ASIP: variants seen among roughly 807,000 people sequenced by gnomAD.
ASIP encodes agouti signaling protein.
Under a neutral mutation model 10.3 loss-of-function variants are expected in ASIP, and 11 were observed. The observed-to-expected ratio is 1.07, with a 90% CI of 0.68 to 1.78. ASIP has a LOEUF of 1.78. Among genes scored for constraint, ASIP ranks in the 40% most tolerant of loss-of-function variants. The pLI is 0.00. For missense variants in ASIP, 180 were observed against 169.2 expected (o/e 1.06, Z -0.35); for synonymous variants, 70 against 70.8 (o/e 0.99, Z 0.06).
intron 1 of ASIP, among the ~76,000 whole-genome samples, chr20:34,212,545 A>G (rs970557991): frequency 6.6e-6 from 1 of 152,206 alleles, no homozygotes; most frequent in Admixed American, 6.5e-5. Flanking sequence ...TATTGATGCA[A>G]TACATTATCT....
intron 1 of ASIP, among the ~76,000 whole-genome samples, chr20:34,251,517 G>A (rs819165): frequency 0.12 from 18,444 of 151,924 alleles, 1,218 homozygotes; most frequent in East Asian, 0.22. Context: ...CTCGTGATCC[G>A]TCCGCCTCGG....
chr20:34,264,385 C>G (rs529643187), intron 3 of ASIP, among the ~76,000 whole-genome samples: 1 of 152,282 alleles, frequency 6.6e-6, no homozygotes, highest in South Asian at 2.1e-4. Context: ...CACAAGGAGT[C>G]TCACCAGGAA....
intron 1 of ASIP, among the ~76,000 whole-genome samples, chr20:34,200,969 T>TTCCTTCCTTCCTTCCTTCCTTCC: frequency 1.4e-5 from 1 of 72,974 alleles, no homozygotes; most frequent in East Asian, 4.1e-4. Flanking sequence ...TCTTTCTTTC[T>TTCCTTCCTTCCTTCCTTCCTTCC]TTCCTTCCTT....
intron 1 of ASIP, chr20:34,215,754 A>G: frequency 6.7e-7 from 1 of 1,496,054 alleles, no homozygotes. Context: ...TCATCACTAT[A>G]TGTCCTCTGG....
At chr20:34,261,927 A>C (rs1428335223) in intron 2 of ASIP, among the ~76,000 whole-genome samples, 1 of 152,146 alleles carries the variant, frequency 6.6e-6, no homozygotes, top group Non-Finnish European at 1.5e-5. Flanking sequence ...AGCCTGGCCA[A>C]CATGGCAAAA....
At chr20:34,209,208 G>T (rs1475927539) in intron 1 of ASIP, among the ~76,000 whole-genome samples, 1 of 152,236 alleles carries the variant, frequency 6.6e-6, no homozygotes, top group Admixed American at 6.5e-5. Context: ...GCACAGAGCT[G>T]GTGGGAGCCG....
upstream of ASIP, among the ~76,000 whole-genome samples, chr20:34,194,167 G>A (rs925672272): frequency 6.6e-5 from 10 of 152,174 alleles, no homozygotes; most frequent in South Asian, 2.1e-3. Flanking sequence ...TCCAAGCTGT[G>A]GGCACTGAAC....
At chr20:34,250,253 G>A (rs1396195202) in intron 1 of ASIP, 1 of 152,228 alleles carries the variant, frequency 6.6e-6, no homozygotes, top group African/African-American at 2.4e-5. Context: ...CAAAGCCCAG[G>A]GCAGGCTGTC....
chr20:34,221,306 A>C (rs2035045865), intron 1 of ASIP, among the ~76,000 whole-genome samples: 1 of 152,148 alleles, frequency 6.6e-6, no homozygotes, highest in Admixed American at 6.5e-5. Context: ...TGAACCTGGG[A>C]GGCGGAGCTT....
upstream of ASIP, among the ~76,000 whole-genome samples, chr20:34,191,206 C>T (rs1199698211): frequency 6.6e-6 from 1 of 152,116 alleles, no homozygotes; most frequent in Non-Finnish European, 1.5e-5. Flanking sequence ...AAATTAAATA[C>T]CCTTGGCTTC....
chr20:34,187,186 T>C, the ASIP span, among the ~76,000 whole-genome samples: 51 of 152,308 alleles, frequency 3.3e-4, 1 homozygote, highest in Middle Eastern at 6.8e-3. Context: ...ACTTAGAACT[T>C]GCCATCAGTG....
At chr20:34,258,688 T>TATATATATATATATATAC (rs1277541256) in intron 1 of ASIP, among the ~76,000 whole-genome samples, 7 of 66,564 alleles carry the variant, frequency 1.1e-4, no homozygotes, top group East Asian at 1.1e-3. Context: ...TATATATATA[T>TATATATATATATATATAC]ATACATACTA....
chr20:34,197,975 A>G (rs1003675423), intron 1 of ASIP, among the ~76,000 whole-genome samples: 6 of 152,114 alleles, frequency 3.9e-5, no homozygotes, highest in Non-Finnish European at 7.4e-5. Context: ...ACAGGTTAAA[A>G]GTATTTGCCA....
upstream of ASIP, among the ~76,000 whole-genome samples, chr20:34,190,840 A>T (rs978242440): frequency 6.6e-6 from 1 of 152,190 alleles, no homozygotes; most frequent in Non-Finnish European, 1.5e-5. Flanking sequence ...ATCCTGAGCA[A>T]TCCCAGTCCT....
intron 1 of ASIP, among the ~76,000 whole-genome samples, chr20:34,243,382 C>A (rs1345864091): frequency 6.6e-6 from 1 of 152,150 alleles, no homozygotes; most frequent in East Asian, 1.9e-4. Flanking sequence ...CCAATTCAGT[C>A]ACAATAGTGA....
chr20:34,233,500 G>A (rs2122583005), intron 1 of ASIP, among the ~76,000 whole-genome samples: 1 of 152,262 alleles, frequency 6.6e-6, no homozygotes, highest in Non-Finnish European at 1.5e-5. Flanking sequence ...CAGCCACAAA[G>A]ACTACATACT....
chr20:34,260,776 A>C (rs555937054), intron 2 of ASIP, among the ~76,000 whole-genome samples: 1 of 152,350 alleles, frequency 6.6e-6, no homozygotes, highest in South Asian at 2.1e-4. Context: ...AAGTTAAGAC[A>C]CTTGGTGAAC....
Position 34,262,830 on chromosome 20 carries a change from A to G in ASIP, c.161-2A>G. On this transcript the variant is annotated splice_acceptor_variant, in intron 2 of 3. Transcript: ENST00000374954. LOFTEE classifies it high-confidence loss of function. ...CTTTGCTCCTTTTGTCTCTCTTTGA[A>G]GCGCTGAACAAGAAATCCAAACAGA... 1 of 1,613,862 alleles carries G rather than the reference A, an allele frequency of 6.2e-7. No homozygotes were observed. Among genetic ancestry groups the G allele is most frequent in the Non-Finnish European group, 8.5e-7 (1 of 1,179,852 alleles).
chr20:34,213,736 C>T (rs1184614928), intron 1 of ASIP: 8 of 1,507,498 alleles, frequency 5.3e-6, no homozygotes, highest in South Asian at 2.3e-5. Context: ...AATAATCATT[C>T]GATGAAGGAA....
Sources: gnomAD v4.1 joint callset for allele counts (sites outside exome capture counted in the v4.1 genomes callset) on GRCh38, gnomAD v4.1.1 for gene constraint, MANE v1.5 for transcripts, NCBI Gene and HGNC (gene_info 2026-07-23, HGNC 2026-07-21) for gene names.